LDB2: variants seen among roughly 807,000 people sequenced by gnomAD.
LDB2 encodes LIM domain binding 2, also known as LIM domain-binding protein 2.
In LDB2, 12 loss-of-function variants were observed where a neutral mutation model predicts 44.3. The observed-to-expected ratio is 0.27, with a 90% CI of 0.17 to 0.44. LDB2 has a LOEUF of 0.44. LDB2 is among the 20% of genes least tolerant of loss of function. LDB2 has a pLI of 1.00. For missense variants in LDB2, 344 were observed against 473.5 expected, an observed-to-expected ratio of 0.73 and a Z score of 2.54; for synonymous variants, 164 against 174.8, an observed-to-expected ratio of 0.94 and a Z score of 0.49.
At chr4:16,737,322 G>C (rs1049989255) in intron 2 of LDB2, among the ~76,000 whole-genome samples, 4 of 152,102 alleles carry the variant, frequency 2.6e-5, no homozygotes, top group African/African-American at 9.7e-5. Context: ...TCAAGCTCCT[G>C]GGCTCAAGCA....
At chr4:16,883,613 G>A (rs897427455) in intron 1 of LDB2, among the ~76,000 whole-genome samples, 5 of 152,192 alleles carry the variant, frequency 3.3e-5, no homozygotes, top group African/African-American at 1.2e-4. Flanking sequence ...CATGTCCCAT[G>A]TGCTGGGTGA....
At chr4:16,712,383 C>T (rs540306098) in intron 2 of LDB2, among the ~76,000 whole-genome samples, 31 of 152,140 alleles carry the variant, frequency 2.0e-4, no homozygotes, top group African/African-American at 7.0e-4. Flanking sequence ...GAAACCCCGT[C>T]TCTACTAAAA....
intron 2 of LDB2, among the ~76,000 whole-genome samples, chr4:16,729,343 C>T (rs1024319860): frequency 2.6e-5 from 4 of 152,104 alleles, no homozygotes; most frequent in Non-Finnish European, 4.4e-5. Context: ...TTAAGGGTAA[C>T]GCACATTTGC....
At chr4:16,811,599 G>A (rs1305415931) in intron 1 of LDB2, among the ~76,000 whole-genome samples, 3 of 152,172 alleles carry the variant, frequency 2.0e-5, no homozygotes, top group Non-Finnish European at 4.4e-5. Context: ...CACTGTAAAT[G>A]TAGTTTATCT....
intron 2 of LDB2, among the ~76,000 whole-genome samples, chr4:16,729,214 CA>C (rs891151542): frequency 6.6e-6 from 1 of 152,274 alleles, no homozygotes; most frequent in Non-Finnish European, 1.5e-5. Flanking sequence ...ACTTTAAGAA[CA>C]AAAACACAAA....
In LDB2 at chr4:16,512,067, G is replaced by A. The variant is rs1350134333; in HGVS notation, c.653C>T (p.Ser218Leu). The A allele has an allele frequency of 1.9e-6, 3 of 1,613,312 alleles. No homozygotes were observed. The highest frequency in any genetic ancestry group is 1.7e-5 in the Admixed American group (1 of 59,910). Residue 218 changes from serine to leucine, a missense_variant, in exon 6 of 8, where the codon TCG becomes TTG. Ser to Leu is a moderately radical substitution (Grantham distance 145). Coordinates refer to ENST00000304523, the MANE Select transcript of LDB2 (RefSeq NM_001290.5). ...ACTGAGGTTGTAAGTTTTATGTCTC[G>A]ACATCAGTTCCTGCATTGGCTCCAA... ...VILEPMQELM[S>L]RHKTYNLSPR...
At chr4:16,659,685 A>ATC in intron 2 of LDB2, among the ~76,000 whole-genome samples, 1 of 111,050 alleles carries the variant, frequency 9.0e-6, no homozygotes, top group Non-Finnish European at 2.1e-5. Flanking sequence ...ATATATATAT[A>ATC]TATATATGTA....
intron 1 of LDB2, among the ~76,000 whole-genome samples, chr4:16,821,746 CAAAAAAA>C (rs562184189): frequency 1.1e-4 from 7 of 61,754 alleles, no homozygotes; most frequent in Admixed American, 2.7e-4. Flanking sequence ...AACATTAAAG[CAAAAAAA>C]AAAAAAAAAA....
chr4:16,696,023 C>G (rs1752045683), intron 2 of LDB2, among the ~76,000 whole-genome samples: 1 of 152,130 alleles, frequency 6.6e-6, no homozygotes, highest in Admixed American at 6.5e-5. Flanking sequence ...GCTGAAAATG[C>G]AGAGCAATGG....
intron 1 of LDB2, among the ~76,000 whole-genome samples, chr4:16,893,518 C>T (rs533993796): frequency 6.6e-6 from 1 of 151,240 alleles, no homozygotes; most frequent in African/African-American, 2.4e-5. Context: ...TCCCCCTCCT[C>T]CCCACCCCCT....
At chr4:16,649,425 A>T in intron 2 of LDB2, among the ~76,000 whole-genome samples, 1 of 151,964 alleles carries the variant, frequency 6.6e-6, no homozygotes, top group Non-Finnish European at 1.5e-5. Context: ...AGAGAGAGAG[A>T]GAGAACTAAA....
chr4:16,524,930 TGA>T (rs1727665204), intron 5 of LDB2, among the ~76,000 whole-genome samples: 1 of 152,214 alleles, frequency 6.6e-6, no homozygotes, highest in South Asian at 2.1e-4. Flanking sequence ...CCCAGGGACC[TGA>T]GAGACTAGGT....
At chr4:16,777,723 G>T (rs1772252802) in intron 1 of LDB2, among the ~76,000 whole-genome samples, 1 of 152,118 alleles carries the variant, frequency 6.6e-6, no homozygotes, top group Non-Finnish European at 1.5e-5. Flanking sequence ...TTCCCCATCT[G>T]TAAAATGGGG....
intron 2 of LDB2, among the ~76,000 whole-genome samples, chr4:16,630,028 A>G (rs1458418263): frequency 6.6e-6 from 1 of 152,244 alleles, no homozygotes; most frequent in Non-Finnish European, 1.5e-5. Flanking sequence ...GATATTATCC[A>G]GGAGAACTTC....
intron 5 of LDB2, among the ~76,000 whole-genome samples, chr4:16,581,592 C>T (rs1054272272): frequency 6.6e-6 from 1 of 152,134 alleles, no homozygotes; most frequent in Non-Finnish European, 1.5e-5. Flanking sequence ...TTCTCTGACC[C>T]CTCTCACAGT....
chr4:16,601,452 T>C (rs553855890), intron 2 of LDB2, among the ~76,000 whole-genome samples: 48 of 152,260 alleles, frequency 3.2e-4, no homozygotes, highest in African/African-American at 1.1e-3. Context: ...TTTCATAAAA[T>C]GTGGAGTAAG....
rs1340654144 is a variant in LDB2 at position 16,760,303 on chromosome 4, G to A, written c.133-1043C>T. On this transcript the variant is annotated intron_variant, in intron 1 of 7. Coordinates refer to ENST00000304523, the MANE Select transcript of LDB2 (RefSeq NM_001290.5). ...CACAAGCCTCTCTTCTTCCCATTAA[G>A]TTGCTCTGCTTATGACAACATTAAG... 2.6e-5 allele frequency among the ~76,000 whole-genome samples: 4 copies of A among 152,154 alleles called. No individual in the cohort carries two copies. In the East Asian group the frequency reaches 7.7e-4, roughly 29 times the overall value.
rs1400663053 is a variant in LDB2 at position 16,533,324 on chromosome 4, TAA to T, written c.616-21222_616-21221del. On this transcript the variant is annotated intron_variant, in intron 5 of 7. Transcript: ENST00000304523. This position sits in a 1 kb window ranked among gnomAD's most constrained non-coding sequence, Gnocchi z 4.1. ...AGGTTAAGGATCCCACTTCTAAAGT[TAA>T]AAAACCATTCATGTCTGCAAAAATG... 2.0e-5 allele frequency among the ~76,000 whole-genome samples: 3 copies of T among 152,142 alleles called. No individual in the cohort carries two copies. Among genetic ancestry groups the T allele is most frequent in the African/African-American group, 7.2e-5 (3 of 41,428 alleles).
At chr4:16,678,181 A>T (rs1346673633) in intron 2 of LDB2, among the ~76,000 whole-genome samples, 2 of 152,224 alleles carry the variant, frequency 1.3e-5, no homozygotes, top group Admixed American at 6.5e-5. Flanking sequence ...AGGCATAGCA[A>T]GCTGTTTCTT....
Sources: allele counts gnomAD v4.1 joint callset (sites outside exome capture counted in the v4.1 genomes callset), GRCh38; gene constraint gnomAD v4.1.1; non-coding constraint Gnocchi (gnomAD v3.1); transcripts MANE v1.5; gene names NCBI Gene and HGNC (gene_info 2026-07-23, HGNC 2026-07-21).